The following ZDHHC15 variants were observed in gnomAD, a reference collection of about 807,000 sequenced individuals.
The protein encoded by ZDHHC15 is palmitoyltransferase ZDHHC15.
In ZDHHC15, 19 loss-of-function variants were observed where a neutral mutation model predicts 31.7. That is an observed-to-expected ratio of 0.60 (90% CI 0.42 to 0.88). ZDHHC15 has a LOEUF of 0.88. Ranked by LOEUF, ZDHHC15 falls within the 40% of genes least tolerant of loss-of-function variation. The pLI is 0.00. For synonymous variants in ZDHHC15, 103 were observed against 90.0 expected, an observed-to-expected ratio of 1.14 and a Z score of -0.82; for missense variants, 209 against 251.2, an observed-to-expected ratio of 0.83 and a Z score of 1.14.
At chrX:75,496,689 T>C (rs942877338) in intron 2 of ZDHHC15, among the ~76,000 whole-genome samples, 30 of 111,663 alleles carry the variant, frequency 2.7e-4, no homozygotes, top group African/African-American at 9.4e-4. Flanking sequence ...AATTGGAAGT[T>C]AACTCCAAAA....
chrX:75,373,527 T>TA (rs1355353493), intron 11 of ZDHHC15, among the ~76,000 whole-genome samples: 1 of 111,634 alleles, frequency 9.0e-6, no homozygotes, highest in East Asian at 2.8e-4. Context: ...ATTGACCCTT[T>TA]AAAAAATTCA....
chrX:75,385,233 C>G (rs774232024), intron 10 of ZDHHC15, among the ~76,000 whole-genome samples: 1 of 111,741 alleles, frequency 8.9e-6, no homozygotes, highest in Non-Finnish European at 1.9e-5. Flanking sequence ...TGAACCAGAG[C>G]TCTTGTATAT....
chrX:75,438,924 C>T (rs997705538), intron 4 of ZDHHC15, among the ~76,000 whole-genome samples: 10 of 111,407 alleles, frequency 9.0e-5, no homozygotes, highest in African/African-American at 2.3e-4. Flanking sequence ...AGTTTTCTTT[C>T]GCTGGATACA....
chrX:75,383,739 T>TTG (rs1555991488), intron 10 of ZDHHC15, among the ~76,000 whole-genome samples: 1 of 85,862 alleles, frequency 1.2e-5, no homozygotes, highest in African/African-American at 4.1e-5. Flanking sequence ...TGTTAGGTTT[T>TTG]TTTTTTTTTT....
chrX:75,501,014 T>C (rs1361532359), intron 2 of ZDHHC15, among the ~76,000 whole-genome samples: 1 of 110,935 alleles, frequency 9.0e-6, no homozygotes, highest in Non-Finnish European at 1.9e-5. Flanking sequence ...GTTTCTTATA[T>C]AGGTAAACTT....
chrX:75,495,752 A>G (rs1487989512), intron 2 of ZDHHC15, among the ~76,000 whole-genome samples: 1 of 83,017 alleles, frequency 1.2e-5, no homozygotes, highest in East Asian at 4.5e-4. Context: ...GGACACAGGA[A>G]GGGGAACATC....
chrX:75,518,796 TATATATATATACACACAC>T (rs1290240603), intron 1 of ZDHHC15, among the ~76,000 whole-genome samples: 3 of 26,813 alleles, frequency 1.1e-4, no homozygotes, highest in South Asian at 6.0e-3. Context: ...TATATATATA[TATATATATATACACACAC>T]ACACACACAC....
intron 2 of ZDHHC15, among the ~76,000 whole-genome samples, chrX:75,489,845 C>G (rs2084846034): frequency 9.0e-6 from 1 of 111,265 alleles, no homozygotes; most frequent in African/African-American, 3.3e-5. Flanking sequence ...AACCTTGAAA[C>G]AAATTAGAGG....
chrX:75,432,890 G>A (rs756292812), intron 4 of ZDHHC15, among the ~76,000 whole-genome samples: 47 of 111,132 alleles, frequency 4.2e-4, no homozygotes, highest in Non-Finnish European at 7.0e-4. Flanking sequence ...AGGCCGAGGC[G>A]GGAGGATTGC....
chrX:75,499,963 G>T (rs940456377), intron 2 of ZDHHC15, among the ~76,000 whole-genome samples: 1 of 111,684 alleles, frequency 9.0e-6, no homozygotes, highest in African/African-American at 3.3e-5. Context: ...GCCATTAAAA[G>T]GAATAAGATA....
intron 3 of ZDHHC15, among the ~76,000 whole-genome samples, chrX:75,455,244 C>T (rs934698304): frequency 9.0e-6 from 1 of 111,201 alleles, no homozygotes; most frequent in African/African-American, 3.3e-5. Flanking sequence ...CTTTGACAAA[C>T]CTGACAAAAA....
At chrX:75,489,960 C>T (rs1046367346) in intron 2 of ZDHHC15, among the ~76,000 whole-genome samples, 9 of 111,471 alleles carry the variant, frequency 8.1e-5, no homozygotes, top group South Asian at 3.8e-4. Flanking sequence ...CCTCAGTAGC[C>T]GATTCGATCA....
chrX:75,375,755 G>T (rs1360329220), intron 11 of ZDHHC15, among the ~76,000 whole-genome samples: 1 of 111,840 alleles, frequency 8.9e-6, no homozygotes, highest in Non-Finnish European at 1.9e-5. Context: ...ATTTTTTATG[G>T]CTGTGTAGTA....
At chrX:75,381,715 C>G (rs1256727121) in intron 10 of ZDHHC15, among the ~76,000 whole-genome samples, 1 of 111,571 alleles carries the variant, frequency 9.0e-6, no homozygotes, top group East Asian at 2.8e-4. Flanking sequence ...ACAATGTCCA[C>G]CCTATGCTTC....
At chrX:75,504,948 T>C (rs1299555433) in intron 2 of ZDHHC15, among the ~76,000 whole-genome samples, 2 of 111,331 alleles carry the variant, frequency 1.8e-5, no homozygotes, top group African/African-American at 6.5e-5. Flanking sequence ...GGTAGTATTA[T>C]CATTTTTATT....
chrX:75,460,076 T>C (rs1311323044), intron 3 of ZDHHC15, among the ~76,000 whole-genome samples: 1 of 112,167 alleles, frequency 8.9e-6, no homozygotes. Flanking sequence ...GGTTTCTCCA[T>C]GTTGGTCAGG....
At chrX:75,484,285 T>G (rs775839332) in intron 2 of ZDHHC15, among the ~76,000 whole-genome samples, 1 of 111,920 alleles carries the variant, frequency 8.9e-6, no homozygotes, top group Non-Finnish European at 1.9e-5. Flanking sequence ...ATTGTAATTT[T>G]GCTCCATGGG....
intron 2 of ZDHHC15, among the ~76,000 whole-genome samples, chrX:75,491,288 A>T (rs1031004513): frequency 1.8e-5 from 2 of 110,097 alleles, no homozygotes; most frequent in African/African-American, 6.6e-5. Context: ...ATGGAATTCT[A>T]TGCAGCCATA....
chrX:75,509,645 T>C (rs1198833215), intron 1 of ZDHHC15, among the ~76,000 whole-genome samples: 1 of 112,506 alleles, frequency 8.9e-6, no homozygotes, highest in Non-Finnish European at 1.9e-5. Context: ...ACTTATTCTG[T>C]GACCTTGGTT....
Sources: allele counts gnomAD v4.1 joint callset (sites outside exome capture counted in the v4.1 genomes callset), GRCh38; gene constraint gnomAD v4.1.1; transcripts MANE v1.5; gene names NCBI Gene and HGNC (gene_info 2026-07-23, HGNC 2026-07-21).